DMBX1: variants seen among roughly 807,000 people sequenced by gnomAD.
The protein encoded by DMBX1 is diencephalon/mesencephalon homeobox 1.
A neutral mutation model predicts 30.4 loss-of-function variants in DMBX1; 7 were observed. The ratio of observed to expected loss-of-function variants is 0.23; its 90% CI spans 0.13 to 0.43. The LOEUF is 0.43. Among genes scored for constraint, DMBX1 ranks in the 20% least tolerant of loss-of-function variants. The pLI, the probability that DMBX1 is intolerant of heterozygous loss-of-function variation, is 1.00. For missense variants in DMBX1, 460 were observed against 508.5 expected, an observed-to-expected ratio of 0.90 and a Z score of 0.92; for synonymous variants, 222 against 214.2, an observed-to-expected ratio of 1.04 and a Z score of -0.32.
chr1:46,504,855 T>C (rs1004237578), intron 2 of DMBX1, among the ~76,000 whole-genome samples: 7 of 150,778 alleles, frequency 4.6e-5, no homozygotes, highest in African/African-American at 1.7e-4. Flanking sequence ...GAGCATGGAA[T>C]GTTCTTCCAT....
At chr1:46,490,825 G>A (rs1383262345) in intron 2 of DMBX1, among the ~76,000 whole-genome samples, 42 bp downstream of exon 2, 1 of 152,214 alleles carries the variant, frequency 6.6e-6, no homozygotes, top group Non-Finnish European at 1.5e-5. Context: ...CCTAGAATTC[G>A]TTTTGCCTCC....
At chr1:46,511,953 T>G in intron 5 of DMBX1, 90 bp from the exon 6 acceptor site, 2 of 1,298,940 alleles carry the variant, frequency 1.5e-6, no homozygotes, top group Non-Finnish European at 2.1e-6. Context: ...TTGTCTATAG[T>G]GCCAAGGAGG....
At chr1:46,508,553 C>G (rs1666285909) in intron 3 of DMBX1, among the ~76,000 whole-genome samples, 1 of 152,284 alleles carries the variant, frequency 6.6e-6, no homozygotes, top group African/African-American at 2.4e-5. Flanking sequence ...CAGTCCTATG[C>G]ACAACCTGGT....
chr1:46,501,719 A>C (rs1253755649), intron 2 of DMBX1, among the ~76,000 whole-genome samples: 1 of 151,824 alleles, frequency 6.6e-6, no homozygotes, highest in Non-Finnish European at 1.5e-5. Flanking sequence ...GGGTCTTGCT[A>C]TGTTGCCCAG....
chr1:46,489,980 C>A (rs1665900117), intron 1 of DMBX1, among the ~76,000 whole-genome samples, 103 bp downstream of exon 1: 1 of 152,146 alleles, frequency 6.6e-6, no homozygotes, highest in African/African-American at 2.4e-5. Context: ...TCCCCTCTTG[C>A]GGTCCTGCAG....
chr1:46,507,268 G>A, intron 3 of DMBX1, 104 bp downstream of exon 3: 1 of 1,450,062 alleles, frequency 6.9e-7, no homozygotes, highest in Non-Finnish European at 9.2e-7. Context: ...GCTTGTTCTA[G>A]GGGGCTCAAA....
At position 46,511,166 on chromosome 1, in the gene DMBX1, G is replaced by C; in HGVS notation, c.565G>C (p.Glu189Gln). Reference sequence around the variant, plus strand: ...GCAGTCAGCCAGTGAGTCAGCCCCCGAGGATCAGCCGGACCGTGAGGAGGA... The same window carrying C: ...GCAGTCAGCCAGTGAGTCAGCCCCCCAGGATCAGCCGGACCGTGAGGAGGA... ...SEQSASESAP[E>Q]DQPDREEDPR... is the part of the protein sequence containing the mutation. Residue 189 changes from glutamate (E) to glutamine (Q), a missense_variant, in exon 5 of 6, where the codon GAG becomes CAG. Transcript: ENST00000360032. 1 of 1,613,830 alleles carries C rather than the reference G, an allele frequency of 6.2e-7. No homozygotes were observed. The highest frequency in any genetic ancestry group is 8.5e-7 in the Non-Finnish European group (1 of 1,180,012).
intron 5 of DMBX1, 29 bp downstream of exon 5, chr1:46,511,312 C>A: frequency 6.7e-7 from 1 of 1,499,288 alleles, no homozygotes; most frequent in South Asian, 1.3e-5. Context: ...CATGGGAGGG[C>A]TGGGGTCTGG....
chr1:46,493,383 C>G lies in DMBX1; in HGVS notation c.-13+2600C>G, dbSNP rs570721569. On this transcript the variant is annotated intron_variant, in intron 2 of 5. Transcript: ENST00000360032. This position sits in a 1 kb window ranked among gnomAD's most constrained non-coding sequence, Gnocchi z 4.1. Reference sequence around the variant, plus strand: ...GGCACCGAGCTGGGCTCTCCAATGTCCAGCCCTCCCGCCGTTCAGTGGCCT... The same window carrying G: ...GGCACCGAGCTGGGCTCTCCAATGTGCAGCCCTCCCGCCGTTCAGTGGCCT... Among the ~76,000 whole-genome samples the G allele has an allele frequency of 7.9e-5, 12 of 152,196 alleles. No individual in the cohort carries two copies. Among genetic ancestry groups the G allele is most frequent in the Non-Finnish European group, 1.6e-4 (11 of 68,048 alleles).
At chr1:46,502,165 C>T (rs1392669454) in intron 2 of DMBX1, among the ~76,000 whole-genome samples, 1 of 152,162 alleles carries the variant, frequency 6.6e-6, no homozygotes, top group Admixed American at 6.5e-5. Flanking sequence ...CAGCTCCAGA[C>T]TTCTATATCC....
rs2148478974 is a variant in DMBX1 at position 46,490,660 on chromosome 1, G to T, written c.-136G>T. On this transcript the variant is annotated 5_prime_UTR_variant, in exon 2 of 6. Transcript: ENST00000360032. Reference sequence around the variant, plus strand: ...CCCGCGCAGATCCCGTTCAAACTCAGCTGCCACCAAGTGCGCCTTTTCTCT... The same window carrying T: ...CCCGCGCAGATCCCGTTCAAACTCATCTGCCACCAAGTGCGCCTTTTCTCT... Among the ~76,000 whole-genome samples the T allele has an allele frequency of 6.6e-6, 1 of 152,386 alleles. No individual in the cohort carries two copies. The highest frequency in any genetic ancestry group is 1.5e-5 in the Non-Finnish European group (1 of 68,038).
chr1:46,498,327 G>T (rs1252362359), intron 2 of DMBX1, among the ~76,000 whole-genome samples: 1 of 152,170 alleles, frequency 6.6e-6, no homozygotes, highest in East Asian at 1.9e-4. Flanking sequence ...CAATCTCTTG[G>T]TCTAAAATTC....
intron 2 of DMBX1, among the ~76,000 whole-genome samples, 22 bp downstream of exon 2, chr1:46,490,805 G>A (rs1665915416): frequency 6.6e-6 from 1 of 152,246 alleles, no homozygotes; most frequent in Non-Finnish European, 1.5e-5. Flanking sequence ...GGGCGCAGTG[G>A]CCCTAGTTCC....
intron 2 of DMBX1, among the ~76,000 whole-genome samples, chr1:46,501,249 T>C (rs60830572): frequency 0.18 from 22,847 of 125,680 alleles, 2,523 homozygotes; most frequent in East Asian, 0.28. Flanking sequence ...TTTCTTTCTT[T>C]CTTTCTTTCT....
chr1:46,494,308 T>C (rs546439570), intron 2 of DMBX1, among the ~76,000 whole-genome samples: 1 of 152,248 alleles, frequency 6.6e-6, no homozygotes, highest in East Asian at 1.9e-4. Flanking sequence ...TTTGCTGCCT[T>C]AAAAGAACAA....
rs1348368908 is a variant in DMBX1 at position 46,507,055 on chromosome 1, C to T, written c.45C>T (p.Asn15=). ...GVNGYSLHAM[N]SLSAMYNLHQ... ...ACGGCTACTCACTGCACGCCATGAA[C>T]TCACTCAGCGCCATGTACAACCTGC... The change falls in exon 3 of 6, where the codon AAC becomes AAT. Residue 15 remains asparagine, a synonymous_variant. Transcript: ENST00000360032. 3.7e-6 allele frequency: 6 copies of T among 1,614,264 alleles called. No individual in the cohort carries two copies. Among genetic ancestry groups the T allele is most frequent in the Non-Finnish European group, 5.1e-6 (6 of 1,180,052 alleles).
At position 46,493,111 on chromosome 1, in the gene DMBX1, C is replaced by T. The variant is rs986234548; in HGVS notation, c.-13+2328C>T. 3.3e-5 allele frequency among the ~76,000 whole-genome samples: 5 copies of T among 152,180 alleles called. No individual in the cohort carries two copies. Among genetic ancestry groups the T allele is most frequent in the African/African-American group, 1.2e-4 (5 of 41,438 alleles). On this transcript the variant is annotated intron_variant, in intron 2 of 5. Transcript: ENST00000360032. This position sits in a 1 kb window ranked among gnomAD's most constrained non-coding sequence, Gnocchi z 4.1. ...TCCCATTTCGCCCCCCACCCCACCC[C>T]TTTCTCACAGTCCCGCTCGGCCGCC...
In DMBX1 at chr1:46,511,012, G is replaced by A; in HGVS notation, c.411G>A (p.Lys137=). 7 of 1,614,108 alleles carry A rather than the reference G, an allele frequency of 4.3e-6. No individual in the cohort carries two copies. Among genetic ancestry groups the A allele is most frequent in the Non-Finnish European group, 5.9e-6 (7 of 1,180,000 alleles). ...SLQKEQLQKQ[K]EAEGSHGEGK... is the part of the protein sequence containing the mutation. Reference sequence around the variant, plus strand: ...AGAAGGAACAGCTCCAGAAGCAGAAGGAGGCTGAGGGCTCCCATGGGGAAG... The same window carrying A: ...AGAAGGAACAGCTCCAGAAGCAGAAAGAGGCTGAGGGCTCCCATGGGGAAG... Residue 137 remains lysine, a synonymous_variant, in exon 5 of 6, where the codon AAG becomes AAA. Coordinates refer to ENST00000360032, the MANE Select transcript of DMBX1 (RefSeq NM_172225.2).
intron 2 of DMBX1, among the ~76,000 whole-genome samples, chr1:46,503,435 G>A (rs1185026557): frequency 6.6e-6 from 1 of 152,170 alleles, no homozygotes; most frequent in Non-Finnish European, 1.5e-5. Flanking sequence ...TTTAGTAAGT[G>A]GGTGCTTAAT....
Sources: gnomAD v4.1 joint callset for allele counts (sites outside exome capture counted in the v4.1 genomes callset) on GRCh38, gnomAD v4.1.1 for gene constraint, Gnocchi (gnomAD v3.1) non-coding constraint, MANE v1.5 for transcripts, NCBI Gene and HGNC (gene_info 2026-07-23, HGNC 2026-07-21) for gene names.